RSU1: variants seen among roughly 807,000 people sequenced by gnomAD.
RSU1 encodes Ras suppressor protein 1.
RSU1 carries 26 observed loss-of-function variants against 31.1 expected under a neutral mutation model. That is an observed-to-expected ratio of 0.84 (90% CI 0.61 to 1.16). The LOEUF (loss-of-function observed/expected upper bound fraction) is 1.16. RSU1 is among the 50% of genes most tolerant of loss of function. RSU1 has a pLI of 0.00. For missense variants in RSU1, 320 were observed against 339.1 expected, an observed-to-expected ratio of 0.94 and a Z score of 0.44; for synonymous variants, 164 against 136.3, an observed-to-expected ratio of 1.20 and a Z score of -1.41.
intron 7 of RSU1, chr10:16,748,319 C>A (rs1454673061): frequency 6.6e-6 from 1 of 151,966 alleles, no homozygotes; most frequent in African/African-American, 2.4e-5. Context: ...CTGTACTTCT[C>A]GGCTCGTGGC....
rs117313603 is a variant in RSU1, at chr10:16,817,317, C to T, written c.-6G>A. The T allele has an allele frequency of 7.7e-6, 4 of 518,940 alleles. No homozygotes were observed. The East Asian group carries it at 1.0e-4, about 13-fold the overall frequency. The allele number at this position is 518,940 out of a possible 1,614,324, so 32.1% of individuals were successfully genotyped here. A position where few individuals can be genotyped will look rare whatever the true frequency, so the allele number is the denominator to read the frequency against. On this transcript the variant is annotated splice_region_variant and 5_prime_UTR_variant, in exon 1 of 9. In the 5' UTR this introduces an upstream ATG that the reference lacks. Coordinates refer to ENST00000345264, the MANE Select transcript of RSU1 (RefSeq NM_012425.4). ...AGTGCAACACCGCACACACTCACCA[C>T]GGAAGGTAGCCCCTAAGACGATGGG...
At chr10:16,703,277 C>G (rs567365760) in intron 7 of RSU1, among the ~76,000 whole-genome samples, 2 of 152,306 alleles carry the variant, frequency 1.3e-5, no homozygotes, top group African/African-American at 4.8e-5. Flanking sequence ...CGAGAACAGA[C>G]TAATACAGCA....
intron 8 of RSU1, among the ~76,000 whole-genome samples, chr10:16,641,821 C>A (rs1236713744): frequency 1.3e-5 from 2 of 152,300 alleles, no homozygotes; most frequent in African/African-American, 4.8e-5. Context: ...GGCAGGAGAG[C>A]AGGAAGGCAC....
chr10:16,606,032 C>A (rs1359465482), intron 8 of RSU1, among the ~76,000 whole-genome samples: 1 of 152,104 alleles, frequency 6.6e-6, no homozygotes, highest in Non-Finnish European at 1.5e-5. Flanking sequence ...GGATTACAGG[C>A]ACACCTTGCC....
chr10:16,760,850 T>C (rs924222131), intron 4 of RSU1, among the ~76,000 whole-genome samples: 1 of 152,178 alleles, frequency 6.6e-6, no homozygotes, highest in Non-Finnish European at 1.5e-5. Flanking sequence ...TTCTCCATAC[T>C]CTTTCATACG....
chr10:16,733,725 G>A (rs1836568576), intron 7 of RSU1, among the ~76,000 whole-genome samples: 1 of 152,174 alleles, frequency 6.6e-6, no homozygotes. Context: ...TATATATACT[G>A]AACATGCAGA....
chr10:16,657,600 C>A lies in RSU1; in HGVS notation c.731+37423G>T, dbSNP rs182223539. Among the ~76,000 whole-genome samples, 178 of 151,622 alleles carry A rather than the reference C, an allele frequency of 1.2e-3. 2 individuals are homozygous for A. The highest frequency in any genetic ancestry group is 1.8e-3 in the Non-Finnish European group (119 of 67,934). On this transcript the variant is annotated intron_variant, in intron 8 of 8. Transcript: ENST00000345264. ...AGACATCTGTGTTTGTTTGCATAGACAGACTTCAGAATATTTTATTATTCC... is the reference window on the plus strand; with the variant it reads ...AGACATCTGTGTTTGTTTGCATAGAAAGACTTCAGAATATTTTATTATTCC...
chr10:16,709,973 A>G (rs1835984378), intron 7 of RSU1, among the ~76,000 whole-genome samples: 3 of 152,192 alleles, frequency 2.0e-5, no homozygotes, highest in South Asian at 4.1e-4. Context: ...AAACAGGACA[A>G]TCTGACTTCC....
intron 8 of RSU1, among the ~76,000 whole-genome samples, chr10:16,674,501 C>T (rs1346196176): frequency 6.6e-6 from 1 of 151,366 alleles, no homozygotes; most frequent in East Asian, 1.9e-4. Context: ...TTCAGAGAGT[C>T]CACTAGGTGC....
At chr10:16,644,112 G>A (rs557717094) in intron 8 of RSU1, among the ~76,000 whole-genome samples, 51 of 151,648 alleles carry the variant, frequency 3.4e-4, no homozygotes, top group Non-Finnish European at 4.0e-4. Context: ...TGGTGGGGGG[G>A]GGTCCTAGAA....
At chr10:16,713,429 G>C (rs754358284) in intron 7 of RSU1, among the ~76,000 whole-genome samples, 1 of 152,048 alleles carries the variant, frequency 6.6e-6, no homozygotes, top group South Asian at 2.1e-4. Context: ...GATAATTCAA[G>C]AGGCCTGTCT....
chr10:16,650,738 C>G (rs1392001964), intron 8 of RSU1, among the ~76,000 whole-genome samples: 1 of 145,930 alleles, frequency 6.9e-6, no homozygotes, highest in African/African-American at 2.5e-5. Flanking sequence ...CGCCACCACA[C>G]CCGGCTACTT....
chr10:16,678,005 A>C (rs1835264803), intron 8 of RSU1, among the ~76,000 whole-genome samples: 1 of 152,166 alleles, frequency 6.6e-6, no homozygotes. Flanking sequence ...ACAAAAAAAA[A>C]ATCCTTGTCT....
At position 16,781,887 on chromosome 10, in the gene RSU1, T is replaced by C. The variant is rs1487025112; in HGVS notation, c.160+147A>G. On this transcript the variant is annotated intron_variant, in intron 3 of 8. Transcript: ENST00000345264. ...AGGACAAAATACAGGATGACAATAT[T>C]CTCATCTTAGTGTCACCAAAGTAAA... is the stretch of plus-strand genomic sequence containing the variant. 4.6e-6 allele frequency: 3 copies of C among 654,258 alleles called. No individual in the cohort carries two copies. In the East Asian group the frequency reaches 7.8e-5, roughly 17 times the overall value. 40.5% of individuals were successfully genotyped at this position (654,258 alleles called of 1,614,324 possible). A position where few individuals can be genotyped will look rare whatever the true frequency, so the allele number is the denominator to read the frequency against.
At chr10:16,612,678 T>C (rs1833914000) in intron 8 of RSU1, among the ~76,000 whole-genome samples, 1 of 152,222 alleles carries the variant, frequency 6.6e-6, no homozygotes, top group Non-Finnish European at 1.5e-5. Flanking sequence ...CTACACTCTC[T>C]GTTATTTTTC....
At position 16,645,929 on chromosome 10, in the gene RSU1, C is replaced by CATATATATGTGTGTGTATAT. The variant is rs1834544482; in HGVS notation, c.731+49093_731+49094insATATACACACACATATATAT. Among the ~76,000 whole-genome samples the CATATATATGTGTGTGTATAT allele has an allele frequency of 3.4e-4, 3 of 8,894 alleles. 1 individual carries two copies. The South Asian group carries it at 0.019, about 56-fold the overall frequency. The allele number at this position is 8,894 out of a possible 152,430, so 5.8% of individuals were successfully genotyped here. The stretch of plus-strand genomic sequence containing the variant: ...ATATATGTATATATATGTGTATATA[C>CATATATATGTGTGTGTATAT]ACATATGTGTATATATATGTGTATA... On this transcript the variant is annotated intron_variant, in intron 8 of 8. Coordinates refer to ENST00000345264, the MANE Select transcript of RSU1 (RefSeq NM_012425.4).
chr10:16,783,164 G>A (rs1837692781), intron 2 of RSU1, among the ~76,000 whole-genome samples: 1 of 152,002 alleles, frequency 6.6e-6, no homozygotes, highest in South Asian at 2.1e-4. Flanking sequence ...TCCCACCTTA[G>A]CCTCCCAAAG....
rs1043727821 is a variant in RSU1 at position 16,715,207 on chromosome 10, G to A, written c.599-20052C>T. On this transcript the variant is annotated intron_variant, in intron 7 of 8. Transcript: ENST00000345264. ...TTGTTGTTTAGATCCCCTTTTGGGGGAGGGATGAGCACTAGGCAACTCTCA... is the reference window on the plus strand; with the variant it reads ...TTGTTGTTTAGATCCCCTTTTGGGGAAGGGATGAGCACTAGGCAACTCTCA... Among the ~76,000 whole-genome samples the A allele has an allele frequency of 3.9e-5, 6 of 152,220 alleles. 1 individual carries two copies. The South Asian group carries it at 1.2e-3, about 32-fold the overall frequency.
At chr10:16,744,051 G>A (rs1836800938) in intron 7 of RSU1, among the ~76,000 whole-genome samples, 3 of 151,252 alleles carry the variant, frequency 2.0e-5, no homozygotes, top group Admixed American at 2.0e-4. Context: ...GATCACCTGG[G>A]CCCAGAAGGT....
Sources: gnomAD v4.1 joint callset for allele counts (sites outside exome capture counted in the v4.1 genomes callset) on GRCh38, gnomAD v4.1.1 for gene constraint, MANE v1.5 for transcripts, NCBI Gene and HGNC (gene_info 2026-07-23, HGNC 2026-07-21) for gene names.